ARF4: variants seen among roughly 807,000 people sequenced by gnomAD.
The protein encoded by ARF4 is ADP-ribosylation factor 4.
In ARF4, 5 loss-of-function variants were observed where a neutral mutation model predicts 24.3. That is an observed-to-expected ratio of 0.21 (90% CI 0.11 to 0.43). The LOEUF is 0.43. Among genes scored for constraint, ARF4 ranks in the 20% least tolerant of loss-of-function variants. The pLI is 1.00. For synonymous variants in ARF4, 62 were observed against 73.5 expected, an observed-to-expected ratio of 0.84 and a Z score of 0.80; for missense variants, 107 against 213.0, an observed-to-expected ratio of 0.50 and a Z score of 3.10.
chr3:57,583,799 T>C (rs1000816920), intron 3 of ARF4, 99 bp downstream of exon 3: 5 of 832,436 alleles, frequency 6.0e-6, no homozygotes, highest in South Asian at 1.5e-5. Context: ...TGCCAACTCA[T>C]AGTAAACACC....
chr3:57,585,893 C>T (rs2070030849), intron 1 of ARF4, among the ~76,000 whole-genome samples: 1 of 152,022 alleles, frequency 6.6e-6, no homozygotes, highest in Non-Finnish European at 1.5e-5. Flanking sequence ...AACTCCTGAC[C>T]TCGGGTGATC....
intron 1 of ARF4, among the ~76,000 whole-genome samples, chr3:57,585,425 T>G (rs1016225510): frequency 6.6e-6 from 1 of 152,142 alleles, no homozygotes; most frequent in African/African-American, 2.4e-5. Context: ...TTACCCCTGC[T>G]TAAATCCATT....
intron 4 of ARF4, 118 bp from the exon 5 acceptor site, chr3:57,575,791 C>G: frequency 8.7e-7 from 1 of 1,143,604 alleles, no homozygotes; most frequent in Non-Finnish European, 1.2e-6. Flanking sequence ...CCTAATTTCT[C>G]GACACAAAGT....
At chr3:57,595,986 C>T (rs2070177015) in intron 1 of ARF4, among the ~76,000 whole-genome samples, 1 of 151,916 alleles carries the variant, frequency 6.6e-6, no homozygotes, top group Non-Finnish European at 1.5e-5. Flanking sequence ...ATAAAACCTC[C>T]TCCGGTAGAA....
chr3:57,585,211 T>C (rs2070022040), intron 1 of ARF4, among the ~76,000 whole-genome samples: 1 of 152,142 alleles, frequency 6.6e-6, no homozygotes, highest in South Asian at 2.1e-4. Context: ...TCAGACAACA[T>C]GTAAGTGAAT....
chr3:57,576,285 T>C lies in ARF4; in HGVS notation c.331-612A>G, dbSNP rs556247086. 6.2e-4 allele frequency among the ~76,000 whole-genome samples: 95 copies of C among 152,204 alleles called. 2 individuals are homozygous for C. The South Asian group carries it at 0.02, about 32-fold the overall frequency. On this transcript the variant is annotated intron_variant, in intron 4 of 5. Transcript: ENST00000303436. Reference sequence around the variant, plus strand: ...TATGAATGTCCAGAATAGGTGACTGTATAAAGACAAATTAGTGGCTGTCAG... The same window carrying C: ...TATGAATGTCCAGAATAGGTGACTGCATAAAGACAAATTAGTGGCTGTCAG...
Position 57,597,169 on chromosome 3 carries a change from A to C in ARF4, c.-29T>G. 2 of 1,602,792 alleles carry C rather than the reference A, an allele frequency of 1.2e-6. No individual in the cohort carries two copies. Among genetic ancestry groups the C allele is most frequent in the East Asian group, 4.5e-5 (2 of 44,790 alleles). ...GGTAGTGGCACTTGTGATGGGCAGAAGCAGAAGGGGTTTGGGGCGACCCCG... is the reference window on the plus strand; with the variant it reads ...GGTAGTGGCACTTGTGATGGGCAGACGCAGAAGGGGTTTGGGGCGACCCCG... On this transcript the variant is annotated 5_prime_UTR_variant, in exon 1 of 6. Coordinates refer to ENST00000303436, the MANE Select transcript of ARF4 (RefSeq NM_001660.4).
chr3:57,582,914 G>T (rs1201228550), intron 3 of ARF4, among the ~76,000 whole-genome samples: 1 of 152,196 alleles, frequency 6.6e-6, no homozygotes, highest in Non-Finnish European at 1.5e-5. Context: ...AGTTAGATTA[G>T]AACAGTGGTT....
intron 1 of ARF4, 160 bp downstream of exon 1, chr3:57,596,914 C>T: frequency 1.4e-6 from 1 of 705,364 alleles, no homozygotes; most frequent in Non-Finnish European, 2.4e-6. Context: ...ATCGCTCACC[C>T]TCCGCTCCAT....
At chr3:57,586,815 G>A (rs149082300) in intron 1 of ARF4, among the ~76,000 whole-genome samples, 34 of 152,192 alleles carry the variant, frequency 2.2e-4, no homozygotes, top group African/African-American at 7.5e-4. Flanking sequence ...AAAACAACTG[G>A]ATCTTTAAAT....
rs2070013596 is a variant in ARF4 at position 57,584,479 on chromosome 3, T to C, written c.68-15A>G. On this transcript the variant is annotated splice_polypyrimidine_tract_variant and intron_variant, in intron 1 of 5. Coordinates refer to ENST00000303436, the MANE Select transcript of ARF4 (RefSeq NM_001660.4). ...ATCCAATCCAACTAGAAGAAGACAT[T>C]ATAGATTTAAAATCCAGACCAAAAG... 6.2e-7 allele frequency: 1 copy of C among 1,602,488 alleles called. No individual in the cohort carries two copies. The highest frequency in any genetic ancestry group is 8.5e-7 in the Non-Finnish European group (1 of 1,171,470).
intron 1 of ARF4, among the ~76,000 whole-genome samples, chr3:57,588,008 C>T (rs2153409169): frequency 6.6e-6 from 1 of 152,202 alleles, no homozygotes; most frequent in South Asian, 2.1e-4. Flanking sequence ...ACATATTGGT[C>T]CAACAATTTT....
intron 3 of ARF4, among the ~76,000 whole-genome samples, chr3:57,581,198 TTC>T (rs1261624139): frequency 6.6e-6 from 1 of 152,188 alleles, no homozygotes; most frequent in Non-Finnish European, 1.5e-5. Context: ...AAGCTATAGT[TTC>T]TTTTAAATTT....
chr3:57,579,807 C>T (rs951567988), intron 3 of ARF4, among the ~76,000 whole-genome samples: 2 of 152,118 alleles, frequency 1.3e-5, no homozygotes, highest in African/African-American at 4.8e-5. Flanking sequence ...TTTAAATATC[C>T]TATCCTTTGA....
At chr3:57,576,048 T>C (rs1296802358) in intron 4 of ARF4, among the ~76,000 whole-genome samples, 2 of 152,194 alleles carry the variant, frequency 1.3e-5, no homozygotes, top group South Asian at 2.1e-4. Flanking sequence ...AGTACTTAGA[T>C]AGATGATGAT....
At chr3:57,575,116 T>C (rs2069888031) in intron 5 of ARF4, among the ~76,000 whole-genome samples, 1 of 149,914 alleles carries the variant, frequency 6.7e-6, no homozygotes, top group Non-Finnish European at 1.5e-5. Context: ...TCCCAAAGTG[T>C]TGGGATTACA....
chr3:57,578,978 C>T (rs1280959695), intron 3 of ARF4, among the ~76,000 whole-genome samples: 2 of 152,042 alleles, frequency 1.3e-5, no homozygotes, highest in Non-Finnish European at 2.9e-5. Context: ...TCACTTATAA[C>T]AGATTGTCTT....
chr3:57,577,451 A>AGGC, intron 3 of ARF4, 64 bp from the exon 4 acceptor site: 1 of 1,328,870 alleles, frequency 7.5e-7, no homozygotes, highest in South Asian at 1.2e-5. Flanking sequence ...GAAACAGTGT[A>AGGC]GGCAGCAAAA....
intron 1 of ARF4, among the ~76,000 whole-genome samples, chr3:57,587,741 AC>A (rs2070056731): frequency 6.6e-6 from 1 of 152,136 alleles, no homozygotes; most frequent in African/African-American, 2.4e-5. Context: ...TTTCTAGGTC[AC>A]CCCAGAATTC....
Sources: allele counts gnomAD v4.1 joint callset (sites outside exome capture counted in the v4.1 genomes callset), GRCh38; gene constraint gnomAD v4.1.1; transcripts MANE v1.5; gene names NCBI Gene and HGNC (gene_info 2026-07-23, HGNC 2026-07-21).